SLC25A18: variants seen among roughly 807,000 people sequenced by gnomAD.
The protein encoded by SLC25A18 is mitochondrial glutamate carrier 2.
SLC25A18 carries 24 observed loss-of-function variants against 31.1 expected under a neutral mutation model. That is an observed-to-expected ratio of 0.77 (90% CI 0.56 to 1.08). The LOEUF (loss-of-function observed/expected upper bound fraction) is 1.08, where lower values mean the gene tolerates loss of function less well. Among genes scored for constraint, SLC25A18 ranks in the 50% least tolerant of loss-of-function variants. The pLI is 0.00. For missense variants in SLC25A18, 371 were observed against 418.5 expected (o/e 0.89, Z 0.99); for synonymous variants, 173 against 161.9 (o/e 1.07, Z -0.52).
chr22:17,565,379 C>A (rs1486727071), intron 1 of SLC25A18, among the ~76,000 whole-genome samples: 1 of 151,954 alleles, frequency 6.6e-6, no homozygotes, highest in Non-Finnish European at 1.5e-5. Flanking sequence ...CCACGCCCTG[C>A]CAAATTTTCT....
At chr22:17,582,475 G>T in intron 5 of SLC25A18, 88 bp from the exon 6 acceptor site, 1 of 1,113,900 alleles carries the variant, frequency 9.0e-7, no homozygotes, top group Non-Finnish European at 1.3e-6. Flanking sequence ...TTCACTCAGG[G>T]ACTGGCCTGG....
intron 7 of SLC25A18, among the ~76,000 whole-genome samples, chr22:17,584,477 A>G (rs1238127172): frequency 4.9e-5 from 7 of 144,098 alleles, no homozygotes; most frequent in Non-Finnish European, 7.5e-5. Flanking sequence ...GAGAGAAAGA[A>G]AGAAAGAAAG....
intron 2 of SLC25A18, among the ~76,000 whole-genome samples, chr22:17,578,171 A>G (rs1335523905): frequency 6.6e-6 from 1 of 151,512 alleles, no homozygotes; most frequent in South Asian, 2.1e-4. Context: ...GGGTTTCACT[A>G]TGTTGCCCAG....
intron 2 of SLC25A18, among the ~76,000 whole-genome samples, chr22:17,576,871 G>A (rs2057240727): frequency 1.3e-5 from 2 of 152,158 alleles, no homozygotes; most frequent in African/African-American, 4.8e-5. Flanking sequence ...AATTTCTCTG[G>A]CATCTGTTAA....
chr22:17,564,010 G>A (rs2056870255), intron 1 of SLC25A18, among the ~76,000 whole-genome samples: 1 of 152,174 alleles, frequency 6.6e-6, no homozygotes, highest in African/African-American at 2.4e-5. Context: ...TCATCAGTTT[G>A]GGGACTGGCT....
At position 17,569,979 on chromosome 22, in the gene SLC25A18, G is replaced by A. The variant is rs1182620460; in HGVS notation, c.-208G>A. On this transcript the variant is annotated 5_prime_UTR_variant, in exon 2 of 11. Transcript: ENST00000327451. ...TCCAGAAAAGGCAGAGGTTCTTACC[G>A]AAAGCAGGTAAGTGTCTTGTCTGTC... 9 of 985,298 alleles carry A rather than the reference G, an allele frequency of 9.1e-6. No individual in the cohort carries two copies. Among genetic ancestry groups the A allele is most frequent in the South Asian group, 4.7e-5 (1 of 21,286 alleles). The allele number at this position is 985,298 out of a possible 1,614,324, so 61.0% of individuals were successfully genotyped here.
At chr22:17,567,329 T>G (rs549376516) in intron 1 of SLC25A18, among the ~76,000 whole-genome samples, 1 of 152,168 alleles carries the variant, frequency 6.6e-6, no homozygotes, top group African/African-American at 2.4e-5. Context: ...AGCAGTAAAC[T>G]AAGATTCAAA....
At chr22:17,590,049 C>T in intron 10 of SLC25A18, 46 bp from the exon 11 acceptor site, 1 of 1,609,550 alleles carries the variant, frequency 6.2e-7, no homozygotes, top group South Asian at 1.1e-5. Flanking sequence ...GGGCTGCTTG[C>T]AGAATGCCCC....
At chr22:17,585,611 TTTTA>T (rs2057520074) in intron 7 of SLC25A18, among the ~76,000 whole-genome samples, 1 of 149,896 alleles carries the variant, frequency 6.7e-6, no homozygotes, top group South Asian at 2.1e-4. Flanking sequence ...GCTCACAACA[TTTTA>T]TTTTATTATT....
At chr22:17,580,554 C>A (rs1255144473) in intron 3 of SLC25A18, 9 of 989,782 alleles carry the variant, frequency 9.1e-6, no homozygotes, top group Non-Finnish European at 1.1e-5. Flanking sequence ...GCTGGCATTC[C>A]CCCCCAGGCA....
Position 17,590,584 on chromosome 22 carries a change from C to G in SLC25A18, c.*348C>G. On this transcript the variant is annotated 3_prime_UTR_variant, in exon 11 of 11. Coordinates refer to ENST00000327451, the MANE Select transcript of SLC25A18 (RefSeq NM_031481.3). ...TTTCTGTATTTTAACATTTCTATTTCACAGTCAAACTCGGCATTCTTCAGT... is the reference window on the plus strand; with the variant it reads ...TTTCTGTATTTTAACATTTCTATTTGACAGTCAAACTCGGCATTCTTCAGT... 1 of 203,156 alleles carries G rather than the reference C, an allele frequency of 4.9e-6. No individual in the cohort carries two copies. The highest frequency in any genetic ancestry group is 1.0e-5 in the Non-Finnish European group (1 of 98,836). The allele number at this position is 203,156 out of a possible 1,614,324, so 12.6% of individuals were successfully genotyped here.
chr22:17,566,649 T>A (rs1257415928), intron 1 of SLC25A18, among the ~76,000 whole-genome samples: 2 of 152,112 alleles, frequency 1.3e-5, no homozygotes, highest in Non-Finnish European at 2.9e-5. Flanking sequence ...CAACCTCAGG[T>A]GATCCGCCCA....
At position 17,574,763 on chromosome 22, in the gene SLC25A18, A is replaced by G. The variant is rs186801338; in HGVS notation, c.-201+4777A>G. ...TCTCGAACTCCTGACCTCCTGATCC[A>G]CCCACCCTCGGCCTCCCAGAATGCT... On this transcript the variant is annotated intron_variant, in intron 2 of 10. Coordinates refer to ENST00000327451, the MANE Select transcript of SLC25A18 (RefSeq NM_031481.3). Among the ~76,000 whole-genome samples, 473 of 149,338 alleles carry G rather than the reference A, an allele frequency of 3.2e-3. 13 individuals are homozygous for G. Among genetic ancestry groups the G allele is most frequent in the African/African-American group, 0.011 (446 of 40,088 alleles).
chr22:17,567,261 T>G (rs187953070), intron 1 of SLC25A18, among the ~76,000 whole-genome samples: 1 of 144,654 alleles, frequency 6.9e-6, no homozygotes, highest in Admixed American at 6.9e-5. Flanking sequence ...TCCCATCTCA[T>G]AGATGAACAG....
chr22:17,579,808 C>G lies in SLC25A18; in HGVS notation c.-137C>G. On this transcript the variant is annotated 5_prime_UTR_variant, in exon 3 of 11. Transcript: ENST00000327451. ...GGAAGGTGGCTCGGGCCAGGCTGCA[C>G]TCAAAACCCGTGCTCTGTCCACACT... 2 of 1,435,644 alleles carry G rather than the reference C, an allele frequency of 1.4e-6. No homozygotes were observed. The highest frequency in any genetic ancestry group is 1.8e-6 in the Non-Finnish European group (2 of 1,090,082). 88.9% of individuals were successfully genotyped at this position (1,435,644 alleles called of 1,614,324 possible).
intron 1 of SLC25A18, among the ~76,000 whole-genome samples, chr22:17,567,338 A>G (rs1188145291): frequency 6.6e-6 from 1 of 152,252 alleles, no homozygotes; most frequent in East Asian, 1.9e-4. Flanking sequence ...CTAAGATTCA[A>G]ACTGTTTCAA....
chr22:17,570,092 C>A (rs2057046479), intron 2 of SLC25A18, 106 bp downstream of exon 2: 1 of 768,332 alleles, frequency 1.3e-6, no homozygotes, highest in Non-Finnish European at 1.6e-6. Context: ...GGGACAGGGA[C>A]ACTCATCCCA....
intron 1 of SLC25A18, among the ~76,000 whole-genome samples, chr22:17,564,857 C>CAAAAAAAAAAAAAA (rs695292): frequency 3.6e-5 from 4 of 112,350 alleles, no homozygotes; most frequent in Admixed American, 9.5e-5. Flanking sequence ...ACTCTGTCTC[C>CAAAAAAAAAAAAAA]AAAAAAAAAA....
chr22:17,582,864 G>C (rs2057418547), intron 6 of SLC25A18, among the ~76,000 whole-genome samples: 1 of 152,098 alleles, frequency 6.6e-6, no homozygotes, highest in Admixed American at 6.5e-5. Context: ...ATAATATAGA[G>C]AACATATAGC....
Sources: gnomAD v4.1 joint callset for allele counts (sites outside exome capture counted in the v4.1 genomes callset) on GRCh38, gnomAD v4.1.1 for gene constraint, MANE v1.5 for transcripts, NCBI Gene and HGNC (gene_info 2026-07-23, HGNC 2026-07-21) for gene names.